LRRC37A2: variants seen among roughly 807,000 people sequenced by gnomAD.
LRRC37A2 encodes the protein leucine rich repeat containing 37 member A2, also known as leucine-rich repeat-containing protein 37A2.
LRRC37A2 carries 9 observed loss-of-function variants against 68.8 expected under a neutral mutation model. The observed-to-expected ratio is 0.13, with a 90% CI of 0.08 to 0.23. The LOEUF (loss-of-function observed/expected upper bound fraction) is 0.23. LRRC37A2 is among the 10% of genes least tolerant of loss of function. The pLI, the probability that LRRC37A2 is intolerant of heterozygous loss-of-function variation, is 1.00. For synonymous variants in LRRC37A2, 63 were observed against 367.6 expected (o/e 0.17, Z 9.48); for missense variants, 168 against 950.4 (o/e 0.18, Z 10.82).
rs563319509 is a variant in LRRC37A2 at position 46,534,902 on chromosome 17, G to T, written c.2907-5274G>T. On this transcript the variant is annotated intron_variant, in intron 6 of 14. Transcript: ENST00000576629. The stretch of plus-strand genomic sequence containing the variant: ...CACTTCTCAGACGGGGCGGCTGCTG[G>T]GCGGAGGGGCTCCTCACTTCTCAGA... Among the ~76,000 whole-genome samples the T allele has an allele frequency of 2.7e-5, 4 of 149,468 alleles. No individual in the cohort carries two copies. The East Asian group carries it at 7.8e-4, about 29-fold the overall frequency.
chr17:46,919,801 G>A, the LRRC37A2 span, among the ~76,000 whole-genome samples: 2 of 152,056 alleles, frequency 1.3e-5, no homozygotes, highest in Admixed American at 1.3e-4. Context: ...ACAAAAATTA[G>A]CTGGGCGTGG....
At chr17:46,771,340 C>G in the LRRC37A2 span, among the ~76,000 whole-genome samples, 1 of 151,972 alleles carries the variant, frequency 6.6e-6, no homozygotes, top group African/African-American at 2.4e-5. Flanking sequence ...CGCCCCAATC[C>G]TAGACGCCCC....
the LRRC37A2 span, among the ~76,000 whole-genome samples, chr17:46,745,037 C>G: frequency 2.8e-5 from 1 of 35,384 alleles, no homozygotes; most frequent in Non-Finnish European, 5.2e-5. Context: ...GGTTATCACT[C>G]TGTGCTTTTT....
At chr17:46,916,055 C>T in the LRRC37A2 span, among the ~76,000 whole-genome samples, 1 of 152,212 alleles carries the variant, frequency 6.6e-6, no homozygotes, top group Non-Finnish European at 1.5e-5. Flanking sequence ...AGAGTGGATG[C>T]ATCCTTTAAC....
At chr17:47,000,236 C>CT in the LRRC37A2 span, among the ~76,000 whole-genome samples, 37 of 120,910 alleles carry the variant, frequency 3.1e-4, 1 homozygote, top group Admixed American at 5.0e-4. Context: ...TTGTTTTTTG[C>CT]TTTTTTTTTT....
chr17:46,905,377 G>A, the LRRC37A2 span, among the ~76,000 whole-genome samples: 4,833 of 152,272 alleles, frequency 0.032, 85 homozygotes, highest in Middle Eastern at 0.071. Context: ...TATCCAGCTG[G>A]GATGACCTTC....
chr17:46,769,888 G>A, the LRRC37A2 span: 3 of 1,613,494 alleles, frequency 1.9e-6, no homozygotes, highest in South Asian at 2.2e-5. Flanking sequence ...CGAAGTCAGC[G>A]TCCTCGCTGC....
At chr17:46,968,369 C>T in the LRRC37A2 span, among the ~76,000 whole-genome samples, 999 of 152,382 alleles carry the variant, frequency 6.6e-3, 13 homozygotes, top group African/African-American at 0.023. Context: ...GCACTGCCTC[C>T]TTTCTCTGCC....
At chr17:46,817,525 G>A in the LRRC37A2 span, among the ~76,000 whole-genome samples, 1 of 152,110 alleles carries the variant, frequency 6.6e-6, no homozygotes, top group African/African-American at 2.4e-5. Context: ...TGGGACCTGC[G>A]GAGGGTGGGA....
chr17:46,783,255 C>T, the LRRC37A2 span, among the ~76,000 whole-genome samples: 171 of 152,302 alleles, frequency 1.1e-3, no homozygotes, highest in African/African-American at 3.8e-3. Flanking sequence ...GCTCTAAGCC[C>T]AGTGGGCTCC....
At chr17:46,472,690 A>G in the LRRC37A2 span, among the ~76,000 whole-genome samples, 1 of 14,182 alleles carries the variant, frequency 7.1e-5, no homozygotes, top group African/African-American at 3.9e-4. Flanking sequence ...GGCGGATCAC[A>G]AGGTCAGGAG....
At chr17:46,944,610 CTTTT>C in the LRRC37A2 span, among the ~76,000 whole-genome samples, 1 of 144,198 alleles carries the variant, frequency 6.9e-6, no homozygotes, top group Non-Finnish European at 1.5e-5. Flanking sequence ...TTTTAATTTT[CTTTT>C]TTTTTTTTTT....
At chr17:46,794,433 G>A in the LRRC37A2 span, among the ~76,000 whole-genome samples, 2 of 152,130 alleles carry the variant, frequency 1.3e-5, no homozygotes, top group Non-Finnish European at 2.9e-5. Flanking sequence ...AGCCTTGGGG[G>A]TCATCTGGTC....
the LRRC37A2 span, among the ~76,000 whole-genome samples, chr17:46,948,047 A>T: frequency 6.6e-6 from 1 of 152,148 alleles, no homozygotes; most frequent in Non-Finnish European, 1.5e-5. Flanking sequence ...CTGGGATTAC[A>T]GACGTGAGCC....
the LRRC37A2 span, chr17:46,886,126 T>C: frequency 2.0e-5 from 3 of 152,290 alleles, no homozygotes; most frequent in Admixed American, 2.0e-4. Context: ...GATGCACAGC[T>C]GTGTGTACTT....
the LRRC37A2 span, among the ~76,000 whole-genome samples, chr17:46,868,465 A>G: frequency 6.6e-6 from 1 of 152,108 alleles, no homozygotes; most frequent in Non-Finnish European, 1.5e-5. Flanking sequence ...GCGTGGTGGC[A>G]CGTGCCCATA....
chr17:46,808,084 G>GA, the LRRC37A2 span, among the ~76,000 whole-genome samples: 1 of 152,200 alleles, frequency 6.6e-6, no homozygotes, highest in African/African-American at 2.4e-5. Flanking sequence ...TAAGTAGAAG[G>GA]AAAGAGCTTA....
At chr17:46,764,703 G>A in the LRRC37A2 span, 1 of 152,284 alleles carries the variant, frequency 6.6e-6, no homozygotes, top group Non-Finnish European at 1.5e-5. Flanking sequence ...ATCAGAGGCT[G>A]CTGATGGATC....
chr17:46,541,333 C>T (rs1413478258), intron 8 of LRRC37A2, among the ~76,000 whole-genome samples: 2 of 149,680 alleles, frequency 1.3e-5, no homozygotes, highest in African/African-American at 5.1e-5. Flanking sequence ...CTCACTGCAA[C>T]CTCCACCTCC....
Sources: gnomAD v4.1 joint callset for allele counts (sites outside exome capture counted in the v4.1 genomes callset) on GRCh38, gnomAD v4.1.1 for gene constraint, MANE v1.5 for transcripts, NCBI Gene and HGNC (gene_info 2026-07-23, HGNC 2026-07-21) for gene names.